Variants in NRG3 observed in about 807,000 individuals in gnomAD.
The protein encoded by NRG3 is pro-neuregulin-3, membrane-bound isoform.
A neutral mutation model predicts 66.9 loss-of-function variants in NRG3; 31 were observed. That is an observed-to-expected ratio of 0.46 (90% CI 0.35 to 0.63). The LOEUF (loss-of-function observed/expected upper bound fraction) is 0.63, where lower values mean the gene tolerates loss of function less well. NRG3 is among the 20% of genes least tolerant of loss of function. The probability of loss-of-function intolerance (pLI) is 0.00; values close to 1 mark genes in which losing one functional copy is unlikely to be tolerated. For missense variants in NRG3, 910 were observed against 878.9 expected (o/e 1.04, Z -0.45); for synonymous variants, 393 against 359.4 (o/e 1.09, Z -1.06).
At chr10:82,306,800 G>T (rs1344576100) in intron 1 of NRG3, among the ~76,000 whole-genome samples, 2 of 149,848 alleles carry the variant, frequency 1.3e-5, no homozygotes, top group Admixed American at 6.7e-5. Context: ...GACAGGGAAG[G>T]GTTCTTTGAC....
chr10:82,473,546 G>A (rs1268534363), intron 2 of NRG3, among the ~76,000 whole-genome samples: 1 of 152,134 alleles, frequency 6.6e-6, no homozygotes, highest in African/African-American at 2.4e-5. Flanking sequence ...ATTGGCAAAG[G>A]TATACAGCAA....
At chr10:82,321,396 A>AAC (rs2081573242) in intron 1 of NRG3, among the ~76,000 whole-genome samples, 1 of 152,090 alleles carries the variant, frequency 6.6e-6, no homozygotes, top group Non-Finnish European at 1.5e-5. Context: ...ACCTGCGTTG[A>AAC]GCACCTTAAA....
At chr10:82,659,733 A>G (rs1260833076) in intron 2 of NRG3, among the ~76,000 whole-genome samples, 1 of 152,114 alleles carries the variant, frequency 6.6e-6, no homozygotes, top group African/African-American at 2.4e-5. Flanking sequence ...ATAGGTTCAG[A>G]GGTAAGTTTG....
intron 1 of NRG3, among the ~76,000 whole-genome samples, chr10:82,316,920 G>A (rs942616682): frequency 7.9e-5 from 12 of 152,126 alleles, no homozygotes; most frequent in Non-Finnish European, 1.6e-4. Flanking sequence ...ACTGGGAGGC[G>A]AAGAACTTGT....
At chr10:82,659,994 A>C (rs765489090) in intron 2 of NRG3, among the ~76,000 whole-genome samples, 2 of 151,598 alleles carry the variant, frequency 1.3e-5, no homozygotes, top group Non-Finnish European at 2.9e-5. Context: ...TCAGGAGTTC[A>C]AGACCAGCCT....
At chr10:82,957,943 C>T (rs1333979940) in intron 5 of NRG3, among the ~76,000 whole-genome samples, 1 of 150,656 alleles carries the variant, frequency 6.6e-6, no homozygotes, top group East Asian at 2.0e-4. Flanking sequence ...TTAATGGGTA[C>T]CAAGTCTATG....
chr10:82,610,245 T>G, intron 2 of NRG3, among the ~76,000 whole-genome samples: 1 of 152,138 alleles, frequency 6.6e-6, no homozygotes. Flanking sequence ...GTGACTTGAT[T>G]GGGACAAGCT....
intron 4 of NRG3, among the ~76,000 whole-genome samples, chr10:82,915,969 G>T (rs867808548): frequency 7.9e-5 from 12 of 152,088 alleles, no homozygotes; most frequent in South Asian, 2.1e-4. Context: ...CCTGAATAAG[G>T]CTCTTTCTAG....
At chr10:82,146,611 T>G (rs1472176273) in intron 1 of NRG3, among the ~76,000 whole-genome samples, 2 of 152,174 alleles carry the variant, frequency 1.3e-5, no homozygotes, top group African/African-American at 4.8e-5. Context: ...ATGCAGAGTG[T>G]GGTCCAATAA....
At chr10:82,553,475 A>T (rs2044459495) in intron 2 of NRG3, among the ~76,000 whole-genome samples, 1 of 152,032 alleles carries the variant, frequency 6.6e-6, no homozygotes, top group South Asian at 2.1e-4. Context: ...TGAGTTACTA[A>T]TTTCTTTTAT....
chr10:82,949,351 C>T (rs976811867), intron 4 of NRG3, among the ~76,000 whole-genome samples: 7 of 151,672 alleles, frequency 4.6e-5, no homozygotes, highest in East Asian at 1.9e-4. Context: ...GTTAGGTCTT[C>T]GTCTTTTTCG....
chr10:82,437,929 C>T (rs2090230177), intron 2 of NRG3, among the ~76,000 whole-genome samples: 1 of 152,156 alleles, frequency 6.6e-6, no homozygotes, highest in Non-Finnish European at 1.5e-5. Flanking sequence ...CTTTTCCTTC[C>T]TCTGGGACCT....
At chr10:81,926,836 G>A (rs987959856) in intron 1 of NRG3, among the ~76,000 whole-genome samples, 23 of 152,228 alleles carry the variant, frequency 1.5e-4, no homozygotes, top group African/African-American at 4.3e-4. Flanking sequence ...TATTAGTCAC[G>A]TGGCCTTGGG....
intron 1 of NRG3, among the ~76,000 whole-genome samples, chr10:82,017,416 T>C (rs1332152209): frequency 1.3e-5 from 2 of 152,172 alleles, no homozygotes; most frequent in Non-Finnish European, 2.9e-5. Context: ...CATGTGTCTT[T>C]ATAGCAGCAT....
intron 1 of NRG3, among the ~76,000 whole-genome samples, chr10:82,144,692 T>C (rs753239341): frequency 6.6e-6 from 1 of 152,190 alleles, no homozygotes. Context: ...TAGCAGGGAA[T>C]TGGAAAACAA....
chr10:82,091,801 C>T (rs959685158), intron 1 of NRG3, among the ~76,000 whole-genome samples: 3 of 152,196 alleles, frequency 2.0e-5, no homozygotes, highest in African/African-American at 7.2e-5. Flanking sequence ...TCTCCACGTT[C>T]TCACCGACAC....
At chr10:82,708,334 G>A (rs1040160272) in intron 2 of NRG3, among the ~76,000 whole-genome samples, 1 of 152,086 alleles carries the variant, frequency 6.6e-6, no homozygotes, top group African/African-American at 2.4e-5. Flanking sequence ...TTTAGGTGCA[G>A]GAGGTACAGG....
chr10:82,229,080 C>A (rs2076316489), intron 1 of NRG3: 1 of 152,212 alleles, frequency 6.6e-6, no homozygotes, highest in African/African-American at 2.4e-5. Context: ...CAGCCTCTGA[C>A]AATTACTGTT....
At chr10:82,459,720 A>C (rs995042024) in intron 2 of NRG3, among the ~76,000 whole-genome samples, 1 of 152,204 alleles carries the variant, frequency 6.6e-6, no homozygotes, top group Non-Finnish European at 1.5e-5. Flanking sequence ...TCACCTAAAA[A>C]TAACAAGCAT....
Sources: gnomAD v4.1 joint callset for allele counts (sites outside exome capture counted in the v4.1 genomes callset) on GRCh38, gnomAD v4.1.1 for gene constraint, MANE v1.5 for transcripts, NCBI Gene and HGNC (gene_info 2026-07-23, HGNC 2026-07-21) for gene names.